The following ECSIT variants were observed in gnomAD, a reference collection of about 807,000 sequenced individuals.
The protein encoded by ECSIT is ECSIT signaling integrator, also known as evolutionarily conserved signaling intermediate in Toll pathway, mitochondrial.
Under a neutral mutation model 36.8 loss-of-function variants are expected in ECSIT, and 29 were observed. The observed-to-expected ratio is 0.79, with a 90% CI of 0.59 to 1.08. The LOEUF is 1.08. ECSIT is among the 50% of genes least tolerant of loss of function. ECSIT has a pLI of 0.00. For synonymous variants in ECSIT, 231 were observed against 234.8 expected (o/e 0.98, Z 0.15); for missense variants, 542 against 581.0 (o/e 0.93, Z 0.69).
At chr19:11,524,897 G>A (rs1276662867) in intron 1 of ECSIT, among the ~76,000 whole-genome samples, 1 of 152,110 alleles carries the variant, frequency 6.6e-6, no homozygotes, top group Non-Finnish European at 1.5e-5. Flanking sequence ...CCAGCAATTT[G>A]GGAAGCCAAG....
intron 2 of ECSIT, among the ~76,000 whole-genome samples, chr19:11,518,198 G>A (rs569161348): frequency 6.6e-6 from 1 of 151,626 alleles, no homozygotes; most frequent in East Asian, 2.0e-4. Context: ...AGGCCGAGGC[G>A]GGTGAATCAC....
Position 11,519,589 on chromosome 19 carries a change from C to T in ECSIT, c.-23-396G>A, listed in dbSNP as rs1972061251. ...TCAAGTGATCCTCCCATCTCTGTCTCCAAAAGTGCTGGGATCATGGGTGTG... is the reference window on the plus strand; with the variant it reads ...TCAAGTGATCCTCCCATCTCTGTCTTCAAAAGTGCTGGGATCATGGGTGTG... On this transcript the variant is annotated intron_variant, in intron 1 of 7. Coordinates refer to ENST00000270517, the MANE Select transcript of ECSIT (RefSeq NM_016581.5). This position sits in a 1 kb window ranked among gnomAD's most constrained non-coding sequence, Gnocchi z 4.4. Among the ~76,000 whole-genome samples, 2 of 152,224 alleles carry T rather than the reference C, an allele frequency of 1.3e-5. No homozygotes were observed. Among genetic ancestry groups the T allele is most frequent in the East Asian group, 3.9e-4 (2 of 5,180 alleles).
intron 7 of ECSIT, among the ~76,000 whole-genome samples, chr19:11,507,240 GTGTTTGGAA>G (rs1330300394): frequency 1.3e-5 from 2 of 151,672 alleles, no homozygotes; most frequent in Non-Finnish European, 2.9e-5. Flanking sequence ...ATCCTGGGTG[GTGTTTGGAA>G]TGTTTGGAAG....
intron 4 of ECSIT, among the ~76,000 whole-genome samples, chr19:11,508,267 A>G (rs1329079313): frequency 1.3e-5 from 2 of 151,720 alleles, no homozygotes; most frequent in African/African-American, 4.9e-5. Flanking sequence ...GAACCAGCCC[A>G]CCTTTGTCAA....
chr19:11,506,073 A>G lies in ECSIT; in HGVS notation c.*111T>C, dbSNP rs1285094060. The G allele has an allele frequency of 2.0e-6, 3 of 1,496,314 alleles. No homozygotes were observed. The highest frequency in any genetic ancestry group is 1.3e-5 in the South Asian group (1 of 79,132). The allele number at this position is 1,496,314 out of a possible 1,614,324, so 92.7% of individuals were successfully genotyped here. On this transcript the variant is annotated 3_prime_UTR_variant, in exon 8 of 8. Transcript: ENST00000270517. ...GATGCCATACTGCTAGAGATGAGGG[A>G]AGAGAGCCCCAAGCAGGAAAACATT...
intron 3 of ECSIT, 24 bp downstream of exon 3, chr19:11,513,780 C>T: frequency 6.2e-7 from 1 of 1,613,206 alleles, no homozygotes; most frequent in Non-Finnish European, 8.5e-7. Context: ...CACTCCCCAC[C>T]CTGCGCCAGC....
At chr19:11,516,861 A>T (rs1972009523) in intron 2 of ECSIT, among the ~76,000 whole-genome samples, 1 of 151,868 alleles carries the variant, frequency 6.6e-6, no homozygotes, top group Non-Finnish European at 1.5e-5. Flanking sequence ...CTACAAAAAA[A>T]TACAAAAATT....
At chr19:11,506,992 C>G (rs1971758229) in intron 7 of ECSIT, among the ~76,000 whole-genome samples, 1 of 152,202 alleles carries the variant, frequency 6.6e-6, no homozygotes, top group African/African-American at 2.4e-5. Flanking sequence ...CTCTCCTAAG[C>G]TCCCCAAAGT....
At chr19:11,524,455 G>C (rs528050606) in intron 1 of ECSIT, among the ~76,000 whole-genome samples, 3 of 151,964 alleles carry the variant, frequency 2.0e-5, no homozygotes, top group African/African-American at 4.8e-5. Flanking sequence ...CCAGGAGGTG[G>C]AGTTTACAGT....
chr19:11,527,160 A>G (rs1021877715), intron 1 of ECSIT, among the ~76,000 whole-genome samples: 11 of 151,962 alleles, frequency 7.2e-5, no homozygotes, highest in South Asian at 2.1e-4. Flanking sequence ...CGTCTGTACT[A>G]AAAATACAAA....
intron 2 of ECSIT, among the ~76,000 whole-genome samples, chr19:11,517,806 G>C (rs1376855791): frequency 2.6e-5 from 4 of 152,034 alleles, no homozygotes; most frequent in Non-Finnish European, 5.9e-5. Flanking sequence ...CACCATCATC[G>C]TTATTGCTAT....
At position 11,519,417 on chromosome 19, in the gene ECSIT, A is replaced by G. The variant is rs1331161643; in HGVS notation, c.-23-224T>C. 6.6e-6 allele frequency among the ~76,000 whole-genome samples: 1 copy of G among 152,076 alleles called. No homozygotes were observed. On this transcript the variant is annotated intron_variant, in intron 1 of 7. Coordinates refer to ENST00000270517, the MANE Select transcript of ECSIT (RefSeq NM_016581.5). The surrounding 1 kb of genome is among the most constrained non-coding windows in gnomAD (Gnocchi z 4.4). ...TGATCATAGCTCAATGCAGCCTCCAACTTCTGGGCCCAAGTGATCCTCCAG... is the reference window on the plus strand; with the variant it reads ...TGATCATAGCTCAATGCAGCCTCCAGCTTCTGGGCCCAAGTGATCCTCCAG...
intron 2 of ECSIT, among the ~76,000 whole-genome samples, chr19:11,518,693 T>A (rs557959545): frequency 6.6e-6 from 1 of 152,134 alleles, no homozygotes; most frequent in South Asian, 2.1e-4. Flanking sequence ...AGCCCAGAGT[T>A]CAAGACCAGC....
chr19:11,510,827 G>A (rs1209433500), intron 4 of ECSIT, among the ~76,000 whole-genome samples: 1 of 150,882 alleles, frequency 6.6e-6, no homozygotes, highest in Admixed American at 6.6e-5. Flanking sequence ...TGGTCCCCTA[G>A]CCCCTCTCCC....
chr19:11,506,440 C>T lies in ECSIT; in HGVS notation c.1052-12G>A. The T allele has an allele frequency of 1.2e-6, 2 of 1,606,478 alleles. No individual in the cohort carries two copies. Among genetic ancestry groups the T allele is most frequent in the Non-Finnish European group, 1.7e-6 (2 of 1,175,086 alleles). Reference sequence around the variant, plus strand: ...AGGGCCTTCCTCCACTGTTGGAAGACATGCACCCTTAAGGTTTGCACAGTG... The same window carrying T: ...AGGGCCTTCCTCCACTGTTGGAAGATATGCACCCTTAAGGTTTGCACAGTG... On this transcript the variant is annotated splice_polypyrimidine_tract_variant and intron_variant, in intron 7 of 7. Transcript: ENST00000270517.
chr19:11,528,188 C>T (rs1027733895), intron 1 of ECSIT, among the ~76,000 whole-genome samples: 3 of 152,198 alleles, frequency 2.0e-5, no homozygotes, highest in Non-Finnish European at 2.9e-5. Flanking sequence ...TGTCTCTGGT[C>T]ATTTCAATGA....
chr19:11,513,242 A>C lies in ECSIT; in HGVS notation c.552T>G (p.Ile184Met), dbSNP rs1273635096. 4.3e-6 allele frequency: 7 copies of C among 1,614,080 alleles called. No homozygotes were observed. Among genetic ancestry groups the C allele is most frequent in the Non-Finnish European group, 5.9e-6 (7 of 1,180,024 alleles). The change falls in exon 4 of 8, where the codon ATT (isoleucine) becomes ATG (methionine). Residue 184 changes from isoleucine to methionine, a missense_variant. By Grantham distance (10) the Ile-to-Met change is conservative (BLOSUM62 1). Coordinates refer to ENST00000270517, the MANE Select transcript of ECSIT (RefSeq NM_016581.5). The part of the protein sequence containing the change: ...MPNKETEFLL[I>M]QIFGRKSYPM... ...GGTAGCTTTTGCGTCCAAAGATCTG[A>C]ATCAGCAGGAACTCCGTCTCCTTGT...
intron 6 of ECSIT, 42 bp from the exon 7 acceptor site, chr19:11,507,604 G>T: frequency 1.2e-6 from 2 of 1,612,710 alleles, no homozygotes; most frequent in Non-Finnish European, 1.7e-6. Flanking sequence ...AGAGGCCAGG[G>T]CTCTCTCGGT....
At chr19:11,522,258 T>C (rs1055819096) in intron 1 of ECSIT, 5 of 631,482 alleles carry the variant, frequency 7.9e-6, no homozygotes, top group African/African-American at 3.7e-5. Context: ...ACCAGGAATA[T>C]TGGGACCTGA....
Sources: gnomAD v4.1 joint callset for allele counts (sites outside exome capture counted in the v4.1 genomes callset) on GRCh38, gnomAD v4.1.1 for gene constraint, Gnocchi (gnomAD v3.1) non-coding constraint, MANE v1.5 for transcripts, NCBI Gene and HGNC (gene_info 2026-07-23, HGNC 2026-07-21) for gene names.